GMDS: variants seen among roughly 807,000 people sequenced by gnomAD.
GMDS encodes GDP-mannose 4,6 dehydratase.
A neutral mutation model predicts 49.9 loss-of-function variants in GMDS; 20 were observed. The ratio of observed to expected loss-of-function variants is 0.40; its 90% CI spans 0.28 to 0.58. The LOEUF (loss-of-function observed/expected upper bound fraction) is 0.58. Ranked by LOEUF, GMDS falls within the 20% of genes least tolerant of loss-of-function variation. GMDS has a pLI of 0.42. For synonymous variants in GMDS, 177 were observed against 178.6 expected (o/e 0.99, Z 0.07); for missense variants, 362 against 481.4 (o/e 0.75, Z 2.32).
intron 9 of GMDS, among the ~76,000 whole-genome samples, chr6:1,708,333 G>A (rs982259743): frequency 2.6e-5 from 4 of 152,348 alleles, no homozygotes; most frequent in African/African-American, 4.8e-5. Context: ...GCAGCGAAGC[G>A]TGTTTGGAGA....
At chr6:2,190,219 A>C (rs921212428) in intron 1 of GMDS, among the ~76,000 whole-genome samples, 1 of 152,264 alleles carries the variant, frequency 6.6e-6, no homozygotes, top group African/African-American at 2.4e-5. Context: ...AAACTATGGG[A>C]ATTTTATTTT....
At chr6:2,089,442 G>C (rs189066017) in intron 4 of GMDS, among the ~76,000 whole-genome samples, 170 of 151,972 alleles carry the variant, frequency 1.1e-3, no homozygotes, top group African/African-American at 4.1e-3. Context: ...ACAAAGTAGA[G>C]GATGATTTTC....
At chr6:1,786,810 T>A (rs929580701) in intron 7 of GMDS, among the ~76,000 whole-genome samples, 10 of 151,854 alleles carry the variant, frequency 6.6e-5, no homozygotes, top group Admixed American at 5.2e-4. Flanking sequence ...TTTTTTTTTT[T>A]ATCACTGCAG....
intron 8 of GMDS, among the ~76,000 whole-genome samples, chr6:1,739,677 T>C (rs920994532): frequency 1.3e-5 from 2 of 152,242 alleles, no homozygotes; most frequent in African/African-American, 4.8e-5. Flanking sequence ...TTAAAGGTTC[T>C]ATTCCTCTTT....
chr6:1,848,174 T>G (rs950273857), intron 7 of GMDS, among the ~76,000 whole-genome samples: 1 of 152,176 alleles, frequency 6.6e-6, no homozygotes, highest in African/African-American at 2.4e-5. Flanking sequence ...CACCTTTGCA[T>G]GTAAAATCTC....
chr6:1,871,027 T>C (rs1758710782), intron 7 of GMDS, among the ~76,000 whole-genome samples: 1 of 151,298 alleles, frequency 6.6e-6, no homozygotes, highest in African/African-American at 2.4e-5. Context: ...CTTTCCAAAC[T>C]GCATCCACCC....
intron 7 of GMDS, among the ~76,000 whole-genome samples, chr6:1,813,223 TAA>T (rs56705761): frequency 0.28 from 23,314 of 84,130 alleles, 2,148 homozygotes; most frequent in Admixed American, 0.32. Context: ...CTCTGTCTCT[TAA>T]AAAAAAAAAA....
At chr6:2,129,535 C>G (rs1775623192) in intron 1 of GMDS, among the ~76,000 whole-genome samples, 1 of 152,170 alleles carries the variant, frequency 6.6e-6, no homozygotes, top group Non-Finnish European at 1.5e-5. Context: ...AACCACACCA[C>G]TAATAAAACG....
At chr6:1,644,930 C>G (rs1763440677) in intron 9 of GMDS, among the ~76,000 whole-genome samples, 1 of 136,264 alleles carries the variant, frequency 7.3e-6, no homozygotes, top group African/African-American at 2.7e-5. Flanking sequence ...GACTCTGGTC[C>G]TTTTTTTTTT....
At chr6:1,917,003 T>C (rs551126293) in intron 7 of GMDS, among the ~76,000 whole-genome samples, 40 of 152,284 alleles carry the variant, frequency 2.6e-4, no homozygotes, top group African/African-American at 9.6e-4. Context: ...GACTGCTTAA[T>C]GTAGAGGAAG....
chr6:1,779,778 C>A (rs140510910), intron 7 of GMDS, among the ~76,000 whole-genome samples: 1 of 152,326 alleles, frequency 6.6e-6, no homozygotes, highest in East Asian at 1.9e-4. Context: ...TTCTTTAACT[C>A]ATTGAAGGCC....
chr6:1,681,135 T>A (rs1481563850), intron 9 of GMDS, among the ~76,000 whole-genome samples: 3 of 151,534 alleles, frequency 2.0e-5, no homozygotes, highest in Non-Finnish European at 4.4e-5. Context: ...CACTTACAGA[T>A]ACACACACCT....
Position 1,798,774 on chromosome 6 carries a change from T to C in GMDS, c.772-56188A>G, listed in dbSNP as rs146452798. Among the ~76,000 whole-genome samples, 396 of 152,348 alleles carry C rather than the reference T, an allele frequency of 2.6e-3. 1 individual carries two copies. Among genetic ancestry groups the C allele is most frequent in the Non-Finnish European group, 4.2e-3 (283 of 68,024 alleles). On this transcript the variant is annotated intron_variant, in intron 7 of 10. Coordinates refer to ENST00000380815, the MANE Select transcript of GMDS (RefSeq NM_001500.4). ...TCCCTTGCAATCAGATCCCATTTTC[T>C]GGTTTTGGCATCGCATACTGTTGGA... is the stretch of plus-strand genomic sequence containing the variant.
At chr6:1,722,352 G>A (rs574167384) in intron 9 of GMDS, among the ~76,000 whole-genome samples, 1 of 151,556 alleles carries the variant, frequency 6.6e-6, no homozygotes, top group East Asian at 1.9e-4. Context: ...CTCCCAAAAT[G>A]CTGGGATTAC....
At chr6:1,629,516 GGT>G in intron 9 of GMDS, among the ~76,000 whole-genome samples, 1 of 152,216 alleles carries the variant, frequency 6.6e-6, no homozygotes, top group Non-Finnish European at 1.5e-5. Flanking sequence ...GCCCGAGGAG[GGT>G]GCAGGCAGTG....
chr6:1,841,486 C>T (rs955814527), intron 7 of GMDS, among the ~76,000 whole-genome samples: 3 of 152,180 alleles, frequency 2.0e-5, no homozygotes, highest in African/African-American at 7.2e-5. Flanking sequence ...ATGATTGCTT[C>T]CTACTAAAGA....
chr6:1,954,094 A>ATG (rs1227184333), intron 6 of GMDS, among the ~76,000 whole-genome samples: 1 of 152,236 alleles, frequency 6.6e-6, no homozygotes, highest in African/African-American at 2.4e-5. Flanking sequence ...GGCAAAAAGA[A>ATG]TACTGTATGT....
chr6:1,817,648 C>T (rs1770725881), intron 7 of GMDS, among the ~76,000 whole-genome samples: 1 of 152,200 alleles, frequency 6.6e-6, no homozygotes, highest in Non-Finnish European at 1.5e-5. Context: ...ACCATTTACT[C>T]TGTAGCAGAA....
At chr6:2,052,421 T>C (rs1770472122) in intron 4 of GMDS, among the ~76,000 whole-genome samples, 1 of 152,202 alleles carries the variant, frequency 6.6e-6, no homozygotes. Context: ...TGGGAAGAAG[T>C]CTGTTGGGTA....
Sources: allele counts gnomAD v4.1 joint callset (sites outside exome capture counted in the v4.1 genomes callset), GRCh38; gene constraint gnomAD v4.1.1; transcripts MANE v1.5; gene names NCBI Gene and HGNC (gene_info 2026-07-23, HGNC 2026-07-21).